Variants in ATF7IP observed in about 807,000 individuals in gnomAD.
ATF7IP encodes the protein activating transcription factor 7 interacting protein.
ATF7IP carries 23 observed loss-of-function variants against 106.4 expected under a neutral mutation model. The ratio of observed to expected loss-of-function variants is 0.22; its 90% CI spans 0.16 to 0.31. The LOEUF is 0.31. ATF7IP is among the 10% of genes least tolerant of loss of function. ATF7IP has a pLI of 1.00. For missense variants in ATF7IP, 1,334 were observed against 1,524.3 expected, an observed-to-expected ratio of 0.88 and a Z score of 2.08; for synonymous variants, 542 against 539.0, an observed-to-expected ratio of 1.01 and a Z score of -0.08.
At chr12:14,402,398 G>A (rs1413619230) in intron 1 of ATF7IP, among the ~76,000 whole-genome samples, 1 of 151,582 alleles carries the variant, frequency 6.6e-6, no homozygotes, top group African/African-American at 2.4e-5. Context: ...AAAGTGTTGG[G>A]ATTATAGGCA....
chr12:14,455,084 A>G (rs1282651536), intron 6 of ATF7IP, among the ~76,000 whole-genome samples: 1 of 151,738 alleles, frequency 6.6e-6, no homozygotes, highest in East Asian at 1.9e-4. Context: ...AGGCTGAGGC[A>G]GGAGAATCGC....
chr12:14,490,667 A>G (rs577974761), intron 13 of ATF7IP, among the ~76,000 whole-genome samples: 2 of 152,242 alleles, frequency 1.3e-5, no homozygotes, highest in African/African-American at 4.8e-5. Context: ...TTCCACTGTC[A>G]AGTGATCACA....
chr12:14,431,684 A>G (rs146578256), intron 2 of ATF7IP, among the ~76,000 whole-genome samples: 72,900 of 151,814 alleles, frequency 0.48, 17,584 homozygotes, highest in Admixed American at 0.55. Flanking sequence ...GTGAGCCACC[A>G]CACCCGGCAG....
At position 14,496,229 on chromosome 12, in the gene ATF7IP, A is replaced by G. The variant is rs777787948; in HGVS notation, c.3281-2A>G. 1.3e-6 allele frequency: 2 copies of G among 1,591,042 alleles called. No individual in the cohort carries two copies. Among genetic ancestry groups the G allele is most frequent in the East Asian group, 2.2e-5 (1 of 44,716 alleles). On this transcript the variant is annotated splice_acceptor_variant, in intron 13 of 14. Transcript: ENST00000261168. LOFTEE classifies it high-confidence loss of function. ...TCCTGTAATTTTTTTGTTTGTTTGT[A>G]GGTGTTACAGTTCGAGTGCCTCAAA...
intron 1 of ATF7IP, among the ~76,000 whole-genome samples, chr12:14,367,048 G>T (rs371622480): frequency 6.0e-4 from 91 of 152,210 alleles, no homozygotes; most frequent in African/African-American, 1.9e-3. Flanking sequence ...TATAAGATTT[G>T]ATATGATTCT....
chr12:14,399,874 C>A (rs1940086396), intron 1 of ATF7IP, among the ~76,000 whole-genome samples: 1 of 152,120 alleles, frequency 6.6e-6, no homozygotes, highest in Non-Finnish European at 1.5e-5. Flanking sequence ...TTTACTTTGG[C>A]TGGATGCTGA....
rs545457346 is a variant in ATF7IP at position 14,436,175 on chromosome 12, A to T, written c.1715A>T (p.Tyr572Phe). 2.5e-6 allele frequency: 4 copies of T among 1,613,772 alleles called. No homozygotes were observed. Among genetic ancestry groups the T allele is most frequent in the Non-Finnish European group, 2.5e-6 (3 of 1,179,794 alleles). ...AATGTACAGTCTAAACGTCGTCGAT[A>T]TATGGAAGAAGAATATGAGGCAGAA... is the stretch of plus-strand genomic sequence containing the variant. ...MDNVQSKRRR[Y>F]MEEEYEAEFQ... Residue 572 changes from tyrosine (Y) to phenylalanine (F), a missense_variant, in exon 4 of 15, where the codon TAT becomes TTT. Tyr to Phe is a conservative substitution (Grantham distance 22, BLOSUM62 3). Around this residue, in one of 10 missense-constraint regions of ATF7IP, gnomAD observed 119 missense variants for 117.8 expected, o/e 1.01. Transcript: ENST00000261168.
At chr12:14,445,668 A>G (rs1012593807) in intron 5 of ATF7IP, among the ~76,000 whole-genome samples, 8 of 152,210 alleles carry the variant, frequency 5.3e-5, no homozygotes, top group African/African-American at 1.9e-4. Flanking sequence ...TGCCTAGGCC[A>G]TAATATTGGA....
intron 1 of ATF7IP, chr12:14,416,998 G>A: frequency 1.0e-6 from 1 of 969,370 alleles, no homozygotes; most frequent in Non-Finnish European, 1.2e-6. Context: ...GGGGAAATGA[G>A]GTTTATTTTT....
intron 6 of ATF7IP, among the ~76,000 whole-genome samples, chr12:14,447,619 C>T (rs1470481697): frequency 2.6e-5 from 4 of 152,164 alleles, no homozygotes; most frequent in South Asian, 4.1e-4. Flanking sequence ...ATTTTCTGTC[C>T]ATCTTTAAAA....
chr12:14,476,049 A>G, intron 11 of ATF7IP, 81 bp downstream of exon 11: 1 of 980,070 alleles, frequency 1.0e-6, no homozygotes. Flanking sequence ...CTACAAAGAC[A>G]GATGTTTATG....
In ATF7IP at chr12:14,373,926, G is replaced by A. The variant is rs543750458; in HGVS notation, c.-8+8099G>A. 8.5e-5 allele frequency among the ~76,000 whole-genome samples: 13 copies of A among 152,090 alleles called. No homozygotes were observed. The East Asian group carries it at 2.3e-3, about 27-fold the overall frequency. The stretch of plus-strand genomic sequence containing the variant: ...TAGAATTTCAAATTTTTAAAACTCA[G>A]TGTAGTATTTTTGAACTTTACAGGT... On this transcript the variant is annotated intron_variant, in intron 1 of 14. Transcript: ENST00000261168.
At position 14,433,211 on chromosome 12, in the gene ATF7IP, A is replaced by G. The variant is rs548105180; in HGVS notation, c.1559-1126A>G. ...TGGTGAAATCCTGTCTCTACTAAAA[A>G]TAAAAAAAATTTAGGCCCAGTGCAG... is the stretch of plus-strand genomic sequence containing the variant. On this transcript the variant is annotated intron_variant, in intron 2 of 14. Coordinates refer to ENST00000261168, the MANE Select transcript of ATF7IP (RefSeq NM_018179.5). Among the ~76,000 whole-genome samples, 16 of 152,244 alleles carry G rather than the reference A, an allele frequency of 1.1e-4. 1 individual carries two copies. In the South Asian group the frequency reaches 3.3e-3, roughly 32 times the overall value.
intron 1 of ATF7IP, among the ~76,000 whole-genome samples, chr12:14,370,645 A>G (rs570857997): frequency 4.6e-5 from 7 of 152,272 alleles, no homozygotes; most frequent in African/African-American, 1.7e-4. Flanking sequence ...ACTACCAAAA[A>G]GCACTATTTC....
chr12:14,447,814 G>T (rs566619274), intron 6 of ATF7IP, among the ~76,000 whole-genome samples: 1 of 152,024 alleles, frequency 6.6e-6, no homozygotes, highest in African/African-American at 2.4e-5. Context: ...GTAATATACA[G>T]AGATTAGATT....
chr12:14,420,634 GAAAA>G (rs55747860), intron 1 of ATF7IP, among the ~76,000 whole-genome samples: 14 of 150,432 alleles, frequency 9.3e-5, no homozygotes, highest in African/African-American at 3.4e-4. Context: ...GTCTCAAAAA[GAAAA>G]AAAAAATAAA....
At chr12:14,427,138 T>G (rs538039910) in intron 2 of ATF7IP, among the ~76,000 whole-genome samples, 2 of 152,208 alleles carry the variant, frequency 1.3e-5, no homozygotes, top group South Asian at 2.1e-4. Context: ...GTTTTTGTTT[T>G]GTGAGACAGA....
At chr12:14,429,047 C>G (rs1364634807) in intron 2 of ATF7IP, among the ~76,000 whole-genome samples, 4 of 152,152 alleles carry the variant, frequency 2.6e-5, no homozygotes, top group Non-Finnish European at 4.4e-5. Flanking sequence ...TTTCCTCTAA[C>G]TACTATTTCA....
Position 14,460,754 on chromosome 12 carries a change from G to T in ATF7IP, c.2418G>T (p.Val806=), listed in dbSNP as rs755478879. ...QLLQSHPGTL[V]TNQPSGNVEF... is the part of the protein sequence containing the mutation. ...TACAGAGCCATCCAGGGACTTTGGTGACTAATCAACCATCTGGCAATGTTG... is the reference window on the plus strand; with the variant it reads ...TACAGAGCCATCCAGGGACTTTGGTTACTAATCAACCATCTGGCAATGTTG... Residue 806 remains valine, a synonymous_variant, in exon 9 of 15, where the codon GTG becomes GTT. Coordinates refer to ENST00000261168, the MANE Select transcript of ATF7IP (RefSeq NM_018179.5). 8 of 1,614,060 alleles carry T rather than the reference G, an allele frequency of 5.0e-6. No homozygotes were observed. In the Middle Eastern group the frequency reaches 4.9e-4, roughly 99 times the overall value.
Sources: allele counts gnomAD v4.1 joint callset (sites outside exome capture counted in the v4.1 genomes callset), GRCh38; gene constraint gnomAD v4.1.1; regional missense constraint gnomAD v4.1.1; transcripts MANE v1.5; gene names NCBI Gene and HGNC (gene_info 2026-07-23, HGNC 2026-07-21).